The following ZNF407 variants were observed in gnomAD, a reference collection of about 807,000 sequenced individuals.
ZNF407 encodes zinc finger protein 407.
A neutral mutation model predicts 131.2 loss-of-function variants in ZNF407; 17 were observed. The observed-to-expected ratio is 0.13, with a 90% CI of 0.09 to 0.19. The LOEUF is 0.19. Ranked by LOEUF, ZNF407 falls within the 10% of genes least tolerant of loss-of-function variation. The pLI is 1.00. For missense variants in ZNF407, 2,681 were observed against 2,830.6 expected (o/e 0.95, Z 1.20); for synonymous variants, 1,156 against 1,062.0 (o/e 1.09, Z -1.72).
chr18:74,715,387 G>T (rs865922283), intron 3 of ZNF407, among the ~76,000 whole-genome samples: 55 of 152,334 alleles, frequency 3.6e-4, no homozygotes, highest in African/African-American at 1.3e-3. Context: ...CTGGCATATT[G>T]TGGCGAAAGG....
chr18:74,643,621 G>A (rs923633904), intron 3 of ZNF407, among the ~76,000 whole-genome samples: 1 of 151,738 alleles, frequency 6.6e-6, no homozygotes, highest in African/African-American at 2.4e-5. Context: ...TAACCTCTTG[G>A]TTTTCTTGAA....
At chr18:74,890,168 C>T in intron 7 of ZNF407, 130 bp downstream of exon 7, 1 of 1,079,952 alleles carries the variant, frequency 9.3e-7, no homozygotes, top group Non-Finnish European at 1.2e-6. Context: ...GAGCTAATTA[C>T]CTAATTTTAG....
intron 8 of ZNF407, among the ~76,000 whole-genome samples, chr18:75,049,730 A>G (rs1302085968): frequency 6.6e-6 from 1 of 152,164 alleles, no homozygotes; most frequent in Non-Finnish European, 1.5e-5. Context: ...TCCTTTAAGT[A>G]TTCGTAAACT....
At chr18:75,021,282 T>A (rs78057703) in intron 8 of ZNF407, among the ~76,000 whole-genome samples, 1 of 150,908 alleles carries the variant, frequency 6.6e-6, no homozygotes. Flanking sequence ...AAAAAAAAAA[T>A]AATAAAGACA....
intron 3 of ZNF407, among the ~76,000 whole-genome samples, chr18:74,700,324 C>T (rs1476972110): frequency 1.3e-5 from 2 of 152,200 alleles, no homozygotes; most frequent in Non-Finnish European, 2.9e-5. Context: ...TTACGGTGAG[C>T]AGTTTCTACA....
Position 74,632,944 on chromosome 18 carries a change from C to A in ZNF407, c.1925C>A (p.Ser642Ter). The change falls in exon 2 of 9, where the codon TCA (serine) becomes TAA (stop). Residue 642 changes from serine (S) to a stop codon, truncating the protein, a stop_gained. Coordinates refer to ENST00000299687, the MANE Select transcript of ZNF407 (RefSeq NM_017757.3). LOFTEE classifies it high-confidence loss of function. ...EHKATEKHIN[S>*]LVQPKTLQSS... is the part of the protein sequence containing the mutation. ...AAAGCCACCGAGAAGCATATTAATT[C>A]ATTGGTTCAACCAAAGACTTTGCAA... 1 of 1,613,094 alleles carries A rather than the reference C, an allele frequency of 6.2e-7. No homozygotes were observed. The highest frequency in any genetic ancestry group is 8.5e-7 in the Non-Finnish European group (1 of 1,179,640).
In ZNF407 at chr18:74,632,280, C is replaced by T; in HGVS notation, c.1261C>T (p.Leu421Phe). 1 of 1,613,934 alleles carries T rather than the reference C, an allele frequency of 6.2e-7. No individual in the cohort carries two copies. Among genetic ancestry groups the T allele is most frequent in the Non-Finnish European group, 8.5e-7 (1 of 1,179,890 alleles). Residue 421 changes from leucine (L) to phenylalanine (F), a missense_variant, in exon 2 of 9, where the codon CTC becomes TTC. By Grantham distance (22) the Leu-to-Phe change is conservative (BLOSUM62 0). Transcript: ENST00000299687. Reference protein sequence around the residue: ...TSRPRPERNILVLGNSFRRRS... With the variant: ...TSRPRPERNIFVLGNSFRRRS... ...GAGGCCAAGACCTGAGCGAAATATT[C>T]TCGTGTTGGGTAATAGCTTTCGTCG...
At position 74,876,662 on chromosome 18, in the gene ZNF407, G is replaced by A. The variant is rs553086400; in HGVS notation, c.4878-535G>A. Reference sequence around the variant, plus strand: ...CGATCTGTTTTTATTTTTATCAAACGAACCTTTTTATGTACCCACATGGTC... The same window carrying A: ...CGATCTGTTTTTATTTTTATCAAACAAACCTTTTTATGTACCCACATGGTC... On this transcript the variant is annotated intron_variant, in intron 4 of 8. Transcript: ENST00000299687. Among the ~76,000 whole-genome samples the A allele has an allele frequency of 1.2e-3, 181 of 151,824 alleles. 1 individual carries two copies. The highest frequency in any genetic ancestry group is 0.012 in the Admixed American group (176 of 15,262).
At chr18:74,940,549 G>A (rs1972085432) in intron 8 of ZNF407, among the ~76,000 whole-genome samples, 1 of 152,160 alleles carries the variant, frequency 6.6e-6, no homozygotes, top group African/African-American at 2.4e-5. Context: ...GGTATGTTGA[G>A]GATTTTGAAC....
rs1325518855 is a variant in ZNF407 at position 74,634,920 on chromosome 18, C to T, written c.3901C>T (p.Pro1301Ser). 16 of 1,613,832 alleles carry T rather than the reference C, an allele frequency of 9.9e-6. No homozygotes were observed. The highest frequency in any genetic ancestry group is 1.3e-5 in the Non-Finnish European group (15 of 1,179,830). Residue 1301 changes from proline (P) to serine (S), a missense_variant, in exon 2 of 9, where the codon CCC becomes TCC. By Grantham distance (74) the Pro-to-Ser change is moderately conservative. Coordinates refer to ENST00000299687, the MANE Select transcript of ZNF407 (RefSeq NM_017757.3). Reference protein sequence around the residue: ...LEDLKGVQEDPVLGNKEILMN... With the variant: ...LEDLKGVQEDSVLGNKEILMN... ...AGACTTGAAAGGTGTCCAAGAAGAT[C>T]CCGTTCTGGGGAATAAGGAAATTCT...
In ZNF407 at chr18:74,632,895, T is replaced by C; in HGVS notation, c.1876T>C (p.Ser626Pro). Residue 626 changes from serine to proline, a missense_variant, in exon 2 of 9, where the codon TCT (serine) becomes CCT (proline). Physicochemically the swap from Ser to Pro is moderately conservative, Grantham distance 74. Transcript: ENST00000299687. ...CACCCCTTGTAATCTGTTCTTTTTG[T>C]CTGAAAAAGATGTGGAAGAACACAA... The part of the protein sequence containing the change: ...LCTPCNLFFL[S>P]EKDVEEHKAT... The C allele has an allele frequency of 6.2e-7, 1 of 1,613,392 alleles. No individual in the cohort carries two copies. The highest frequency in any genetic ancestry group is 1.3e-5 in the African/African-American group (1 of 75,004).
intron 8 of ZNF407, among the ~76,000 whole-genome samples, chr18:75,016,007 G>A (rs1973039908): frequency 6.6e-6 from 1 of 151,878 alleles, no homozygotes; most frequent in African/African-American, 2.4e-5. Flanking sequence ...AGCCTTTTTT[G>A]TCAGCTTAAA....
chr18:74,820,852 A>G (rs1970330613), intron 4 of ZNF407, among the ~76,000 whole-genome samples: 1 of 152,154 alleles, frequency 6.6e-6, no homozygotes, highest in East Asian at 1.9e-4. Context: ...GTTGTGGGAA[A>G]GGAAACTAGG....
At chr18:75,042,171 G>A (rs1482950776) in intron 8 of ZNF407, among the ~76,000 whole-genome samples, 2 of 151,804 alleles carry the variant, frequency 1.3e-5, no homozygotes, top group Non-Finnish European at 1.5e-5. Context: ...AAAGTGCTGG[G>A]ATCATGGGTA....
intron 4 of ZNF407, among the ~76,000 whole-genome samples, chr18:74,789,693 G>T (rs1969789256): frequency 6.6e-6 from 1 of 152,070 alleles, no homozygotes. Context: ...CATTCGTCCT[G>T]GAACTCCACC....
intron 8 of ZNF407, among the ~76,000 whole-genome samples, chr18:74,941,434 TC>T (rs1972098031): frequency 6.6e-6 from 1 of 152,166 alleles, no homozygotes; most frequent in Non-Finnish European, 1.5e-5. Context: ...TTCATGTAGC[TC>T]CAGCTTGTAG....
At chr18:74,968,868 C>T (rs1031473557) in intron 8 of ZNF407, among the ~76,000 whole-genome samples, 2 of 152,114 alleles carry the variant, frequency 1.3e-5, no homozygotes, top group East Asian at 1.9e-4. Flanking sequence ...TTTGGTGCAG[C>T]CCCTCCTCCT....
chr18:74,866,981 C>T (rs1343495172), intron 4 of ZNF407, among the ~76,000 whole-genome samples: 1 of 110,234 alleles, frequency 9.1e-6, no homozygotes, highest in Non-Finnish European at 1.7e-5. Flanking sequence ...AACCCTGTGT[C>T]TACCCGAAAA....
chr18:74,609,159 A>C (rs1409056205), intron 1 of ZNF407, among the ~76,000 whole-genome samples: 1 of 152,190 alleles, frequency 6.6e-6, no homozygotes, highest in African/African-American at 2.4e-5. Context: ...TCAATCAATC[A>C]GTATTGAATT....
Sources: gnomAD v4.1 joint callset for allele counts (sites outside exome capture counted in the v4.1 genomes callset) on GRCh38, gnomAD v4.1.1 for gene constraint, MANE v1.5 for transcripts, NCBI Gene and HGNC (gene_info 2026-07-23, HGNC 2026-07-21) for gene names.